The following POLH variants were observed in gnomAD, a reference collection of about 807,000 sequenced individuals.
The protein encoded by POLH is DNA polymerase eta transcript.
A neutral mutation model predicts 73.6 loss-of-function variants in POLH; 53 were observed. That is an observed-to-expected ratio of 0.72 (90% CI 0.58 to 0.91). POLH has a LOEUF of 0.91. POLH is among the 40% of genes least tolerant of loss of function. The probability of loss-of-function intolerance (pLI) is 0.00; values close to 1 mark genes in which losing one functional copy is unlikely to be tolerated. For synonymous variants in POLH, 292 were observed against 308.5 expected (o/e 0.95, Z 0.56); for missense variants, 768 against 865.4 (o/e 0.89, Z 1.41).
chr6:43,583,645 G>A (rs1179309559), intron 3 of POLH, among the ~76,000 whole-genome samples: 6 of 152,176 alleles, frequency 3.9e-5, no homozygotes, highest in African/African-American at 1.4e-4. Flanking sequence ...GCATAGCTAA[G>A]TCAGAGGTAG....
intron 1 of POLH, among the ~76,000 whole-genome samples, chr6:43,580,907 C>T (rs1205757841): frequency 7.4e-5 from 11 of 149,050 alleles, no homozygotes; most frequent in African/African-American, 1.5e-4. Context: ...CCCCCCACCT[C>T]CCTCCCGGAC....
rs571850355 is a variant in POLH, at chr6:43,602,674, C to CT, written c.765-1206dup. On this transcript the variant is annotated intron_variant, in intron 6 of 10. Coordinates refer to ENST00000372236, the MANE Select transcript of POLH (RefSeq NM_006502.3). ...CAAAGGCTGGGCTAAAGAATTTTGA[C>CT]TTTTTTTTTTTTGAGACAAGTCTTG... 6.8e-3 allele frequency among the ~76,000 whole-genome samples: 992 copies of CT among 146,192 alleles called. 11 individuals carry two copies. The highest frequency in any genetic ancestry group is 0.021 in the African/African-American group (843 of 40,208).
chr6:43,601,373 C>T (rs773855159), intron 6 of POLH, among the ~76,000 whole-genome samples: 6 of 152,180 alleles, frequency 3.9e-5, no homozygotes, highest in Non-Finnish European at 7.3e-5. Flanking sequence ...TCAAGCAATT[C>T]TCCTGTCTCA....
At chr6:43,609,349 A>C (rs1315482992) in intron 9 of POLH, among the ~76,000 whole-genome samples, 1 of 152,238 alleles carries the variant, frequency 6.6e-6, no homozygotes, top group Non-Finnish European at 1.5e-5. Context: ...GGACTCCTTT[A>C]TAATTGCTAA....
At chr6:43,610,906 A>G (rs529182512) in intron 10 of POLH, among the ~76,000 whole-genome samples, 183 bp downstream of exon 10, 2 of 151,956 alleles carry the variant, frequency 1.3e-5, no homozygotes, top group South Asian at 4.2e-4. Flanking sequence ...TCAATGAGGT[A>G]AAGGGTAAAT....
Position 43,616,292 on chromosome 6 carries a change from AAAAG to A in POLH, c.*1739_*1742del, listed in dbSNP as rs1768340692. Among the ~76,000 whole-genome samples, 1 of 151,416 alleles carries A rather than the reference AAAAG, an allele frequency of 6.6e-6. No individual in the cohort carries two copies. Reference sequence around the variant, plus strand: ...GAGACTCCGTCTCAAAAAAAAAAAAAAAAGAAAAACTTCTCTTTAGGCTGGGTGC... The same window carrying A: ...GAGACTCCGTCTCAAAAAAAAAAAAAAAAAACTTCTCTTTAGGCTGGGTGC... On this transcript the variant is annotated 3_prime_UTR_variant, in exon 11 of 11. Transcript: ENST00000372236.
chr6:43,579,815 ATTGC>A (rs545293537), intron 1 of POLH, among the ~76,000 whole-genome samples: 1 of 151,728 alleles, frequency 6.6e-6, no homozygotes, highest in African/African-American at 2.4e-5. Flanking sequence ...TGCAGAATTG[ATTGC>A]TTGTTTGTTG....
chr6:43,587,874 A>C (rs943186101), intron 4 of POLH, among the ~76,000 whole-genome samples: 1 of 152,140 alleles, frequency 6.6e-6, no homozygotes, highest in Admixed American at 6.5e-5. Flanking sequence ...TAAAAATACA[A>C]AAATTAGCTG....
rs1314348615 is a variant in POLH, at chr6:43,616,595, A to C, written c.*2038A>C. On this transcript the variant is annotated 3_prime_UTR_variant, in exon 11 of 11. Transcript: ENST00000372236. Reference sequence around the variant, plus strand: ...GAGTGAGAGACTGTCTCAAAAAAAAAAAAAACAAAAGAAAAACTTCTCTCT... The same window carrying C: ...GAGTGAGAGACTGTCTCAAAAAAAACAAAAACAAAAGAAAAACTTCTCTCT... 2.6e-5 allele frequency among the ~76,000 whole-genome samples: 4 copies of C among 151,870 alleles called. No individual in the cohort carries two copies. The highest frequency in any genetic ancestry group is 4.4e-5 in the Non-Finnish European group (3 of 67,960).
intron 4 of POLH, 125 bp from the exon 5 acceptor site, chr6:43,597,571 G>A (rs962269808): frequency 3.5e-6 from 3 of 852,260 alleles, no homozygotes; most frequent in Non-Finnish European, 1.9e-6. Context: ...TTCTAAGCTG[G>A]CTGCCATTTT....
At chr6:43,594,088 G>A (rs1038640328) in intron 4 of POLH, among the ~76,000 whole-genome samples, 1 of 151,942 alleles carries the variant, frequency 6.6e-6, no homozygotes, top group East Asian at 1.9e-4. Flanking sequence ...CTGTGGTCCC[G>A]TTCAGTTAAT....
At chr6:43,590,310 A>G (rs1190385884) in intron 4 of POLH, among the ~76,000 whole-genome samples, 1 of 151,588 alleles carries the variant, frequency 6.6e-6, no homozygotes, top group Non-Finnish European at 1.5e-5. Flanking sequence ...GTGAGCTGAG[A>G]TCGTACCACT....
At chr6:43,590,124 C>A (rs951119128) in intron 4 of POLH, among the ~76,000 whole-genome samples, 1 of 151,322 alleles carries the variant, frequency 6.6e-6, no homozygotes, top group Non-Finnish European at 1.5e-5. Flanking sequence ...TTTGGGAGGC[C>A]GAGGTGGGTG....
At chr6:43,581,695 C>G (rs1419274574) in intron 1 of POLH, among the ~76,000 whole-genome samples, 2 of 145,564 alleles carry the variant, frequency 1.4e-5, no homozygotes, top group Non-Finnish European at 3.0e-5. Flanking sequence ...CGGCTGCGGT[C>G]GGTCGCGGCA....
rs371281404 is a variant in POLH, at chr6:43,600,213, C to A, written c.661-775C>A. ...GGGAGGCTGAGGCGGGTCGACAGATCTCAAGGCCATCCTGGCCAACATGGT... is the reference window on the plus strand; with the variant it reads ...GGGAGGCTGAGGCGGGTCGACAGATATCAAGGCCATCCTGGCCAACATGGT... On this transcript the variant is annotated intron_variant, in intron 5 of 10. Transcript: ENST00000372236. Among the ~76,000 whole-genome samples the A allele has an allele frequency of 2.2e-4, 33 of 150,356 alleles. No homozygotes were observed. The East Asian group carries it at 2.5e-3, about 12-fold the overall frequency.
intron 4 of POLH, among the ~76,000 whole-genome samples, chr6:43,591,914 G>T (rs936434968): frequency 6.6e-6 from 1 of 152,166 alleles, no homozygotes; most frequent in African/African-American, 2.4e-5. Flanking sequence ...GCTGAAGATG[G>T]TATATACCTT....
rs1768215938 is a variant in POLH at position 43,614,850 on chromosome 6, G to C, written c.*293G>C. On this transcript the variant is annotated 3_prime_UTR_variant, in exon 11 of 11. Transcript: ENST00000372236. ...GTGGGCCTTGGAGTCTAAGAGACGT[G>C]GTTGCAAACTTAGCTCTGGTTATTG... The C allele has an allele frequency of 2.7e-6, 1 of 366,808 alleles. No homozygotes were observed. Among genetic ancestry groups the C allele is most frequent in the Non-Finnish European group, 4.9e-6 (1 of 203,120 alleles). The allele number at this position is 366,808 out of a possible 1,614,324, so 22.7% of individuals were successfully genotyped here. A position where few individuals can be genotyped will look rare whatever the true frequency, so the allele number is the denominator to read the frequency against.
Position 43,618,801 on chromosome 6 carries a change from T to A in POLH, c.*4244T>A, listed in dbSNP as rs1768515477. On this transcript the variant is annotated 3_prime_UTR_variant, in exon 11 of 11. Transcript: ENST00000372236. ...ATGCACCATCACGCCTGGCTAATTTTTGTATTTTTAGTAGAGATGGGGTTT... is the reference window on the plus strand; with the variant it reads ...ATGCACCATCACGCCTGGCTAATTTATGTATTTTTAGTAGAGATGGGGTTT... Among the ~76,000 whole-genome samples, 1 of 152,032 alleles carries A rather than the reference T, an allele frequency of 6.6e-6. No homozygotes were observed. Among genetic ancestry groups the A allele is most frequent in the South Asian group, 2.1e-4 (1 of 4,818 alleles).
At chr6:43,596,521 G>A (rs989626842) in intron 4 of POLH, among the ~76,000 whole-genome samples, 1 of 152,014 alleles carries the variant, frequency 6.6e-6, no homozygotes, top group African/African-American at 2.4e-5. Flanking sequence ...AATAAAATAG[G>A]GTGGTGGGTT....
Sources: gnomAD v4.1 joint callset for allele counts (sites outside exome capture counted in the v4.1 genomes callset) on GRCh38, gnomAD v4.1.1 for gene constraint, MANE v1.5 for transcripts, NCBI Gene and HGNC (gene_info 2026-07-23, HGNC 2026-07-21) for gene names.